Variants in PDE3A observed in about 807,000 individuals in gnomAD.
PDE3A encodes the protein cGMP-inhibited 3',5'-cyclic phosphodiesterase 3A.
A neutral mutation model predicts 98.3 loss-of-function variants in PDE3A; 43 were observed. The ratio of observed to expected loss-of-function variants is 0.44; its 90% CI spans 0.34 to 0.56. The LOEUF (loss-of-function observed/expected upper bound fraction) is 0.56, where lower values mean the gene tolerates loss of function less well. Ranked by LOEUF, PDE3A falls within the 20% of genes least tolerant of loss-of-function variation. PDE3A has a pLI of 0.01. For missense variants in PDE3A, 1,427 were observed against 1,440.7 expected, an observed-to-expected ratio of 0.99 and a Z score of 0.15; for synonymous variants, 663 against 567.9, an observed-to-expected ratio of 1.17 and a Z score of -2.38.
At chr12:20,538,749 A>T (rs1941816575) in intron 1 of PDE3A, among the ~76,000 whole-genome samples, 1 of 152,130 alleles carries the variant, frequency 6.6e-6, no homozygotes, top group South Asian at 2.1e-4. Flanking sequence ...GGTTCAAGCA[A>T]TCCTCCTGCC....
rs1438804839 is a variant in PDE3A at position 20,552,411 on chromosome 12, G to C, written c.961-4249G>C. The C allele has an allele frequency of 1.9e-6, 3 of 1,613,174 alleles. No homozygotes were observed. The highest frequency in any genetic ancestry group is 2.5e-6 in the Non-Finnish European group (3 of 1,179,828). Reference sequence around the variant, plus strand: ...AGCCCGGCCCTTGGACGAAGGAGGGGAAGGACCGGATCAAGAAGCTGGGGC... The same window carrying C: ...AGCCCGGCCCTTGGACGAAGGAGGGCAAGGACCGGATCAAGAAGCTGGGGC... On this transcript the variant is annotated intron_variant, in intron 1 of 15. Coordinates refer to ENST00000359062, the MANE Select transcript of PDE3A (RefSeq NM_000921.5). This position sits in a 1 kb window ranked among gnomAD's most constrained non-coding sequence, Gnocchi z 5.1.
At chr12:20,393,496 A>G (rs1485663283) in intron 1 of PDE3A, among the ~76,000 whole-genome samples, 1 of 152,024 alleles carries the variant, frequency 6.6e-6, no homozygotes, top group African/African-American at 2.4e-5. Flanking sequence ...GGACACAGCC[A>G]AACTATATCA....
chr12:20,652,545 C>T (rs1356041435), intron 14 of PDE3A, among the ~76,000 whole-genome samples: 3 of 152,086 alleles, frequency 2.0e-5, no homozygotes, highest in African/African-American at 4.8e-5. Flanking sequence ...TTTCATGTGT[C>T]TTTTGGCTGC....
intron 5 of PDE3A, among the ~76,000 whole-genome samples, chr12:20,622,687 G>C (rs1284001551): frequency 6.6e-6 from 1 of 152,102 alleles, no homozygotes; most frequent in African/African-American, 2.4e-5. Flanking sequence ...GTAATAAGGA[G>C]AATCATCTGG....
chr12:20,392,981 G>A (rs1192381279), intron 1 of PDE3A, among the ~76,000 whole-genome samples: 3 of 151,812 alleles, frequency 2.0e-5, no homozygotes, highest in African/African-American at 7.3e-5. Context: ...AAGGGAAGAG[G>A]GGAGGAAGGA....
intron 1 of PDE3A, among the ~76,000 whole-genome samples, chr12:20,517,144 T>G (rs78571882): frequency 0.016 from 2,369 of 152,338 alleles, 69 homozygotes; most frequent in African/African-American, 0.055. Flanking sequence ...TAGAAAATGA[T>G]AAGTAATTTT....
At chr12:20,434,033 C>T (rs571198077) in intron 1 of PDE3A, among the ~76,000 whole-genome samples, 2 of 152,308 alleles carry the variant, frequency 1.3e-5, no homozygotes, top group South Asian at 2.1e-4. Flanking sequence ...CTTCCTCAGA[C>T]TCAGTGTTTC....
Position 20,400,379 on chromosome 12 carries a change from G to GTTTTTTTTTTTTT in PDE3A, c.960+30168_960+30180dup, listed in dbSNP as rs75851941. ...AGCTCATGTTGACTCGTTAACATTG[G>GTTTTTTTTTTTTT]TTTTTTTTTTTTTTTTTTTTTTTTT... On this transcript the variant is annotated intron_variant, in intron 1 of 15. Transcript: ENST00000359062. Among the ~76,000 whole-genome samples, 55 of 110,260 alleles carry GTTTTTTTTTTTTT rather than the reference G, an allele frequency of 5.0e-4. 2 individuals carry two copies. The highest frequency in any genetic ancestry group is 7.3e-4 in the Non-Finnish European group (42 of 57,382). The allele number at this position is 110,260 out of a possible 152,430, so 72.3% of individuals were successfully genotyped here.
chr12:20,478,059 A>T (rs1945559519), intron 1 of PDE3A, among the ~76,000 whole-genome samples: 1 of 152,240 alleles, frequency 6.6e-6, no homozygotes, highest in Non-Finnish European at 1.5e-5. Context: ...CTTCTGCAGG[A>T]GGCTCATATT....
chr12:20,654,146 AG>A lies in PDE3A; in HGVS notation c.3127del (p.Glu1043ArgfsTer33). On this transcript the variant is annotated frameshift_variant, in exon 15 of 16. Transcript: ENST00000359062. LOFTEE classifies it high-confidence loss of function. ...ESGDTDDPEE[E>X]EEEAPAPNEE... Reference sequence around the variant, plus strand: ...GGAGATACTGATGACCCAGAAGAAGAGGAGGAAGAAGCACCAGCACCAAATG... The same window carrying A: ...GGAGATACTGATGACCCAGAAGAAGAGAGGAAGAAGCACCAGCACCAAATG... The A allele has an allele frequency of 6.2e-7, 1 of 1,614,108 alleles. No homozygotes were observed. Among genetic ancestry groups the A allele is most frequent in the Non-Finnish European group, 8.5e-7 (1 of 1,179,946 alleles).
At chr12:20,667,967 G>C (rs1167158604) in intron 15 of PDE3A, among the ~76,000 whole-genome samples, 1 of 152,168 alleles carries the variant, frequency 6.6e-6, no homozygotes, top group Non-Finnish European at 1.5e-5. Context: ...GTGCGAGACA[G>C]TGGGCGCAGG....
intron 1 of PDE3A, among the ~76,000 whole-genome samples, chr12:20,384,767 T>G (rs1300838257): frequency 6.6e-6 from 1 of 152,072 alleles, no homozygotes; most frequent in Non-Finnish European, 1.5e-5. Context: ...CACTTATAAG[T>G]GAAAACATGT....
In PDE3A at chr12:20,683,851, C is replaced by G. The variant is rs894001031; in HGVS notation, c.*3580C>G. 2.0e-5 allele frequency: 3 copies of G among 152,012 alleles called. No homozygotes were observed. Among genetic ancestry groups the G allele is most frequent in the Non-Finnish European group, 4.4e-5 (3 of 68,000 alleles). 9.4% of individuals were successfully genotyped at this position (152,012 alleles called of 1,614,324 possible). A position where few individuals can be genotyped will look rare whatever the true frequency, so the allele number is the denominator to read the frequency against. On this transcript the variant is annotated 3_prime_UTR_variant, in exon 16 of 16. Transcript: ENST00000359062. ...CAGAACAAATCTTTCCGTTGCAATC[C>G]CAGTAAAACGAAAGAAAAGGAATAT...
At chr12:20,550,705 A>T (rs1565585790) in intron 1 of PDE3A, among the ~76,000 whole-genome samples, 1 of 152,112 alleles carries the variant, frequency 6.6e-6, no homozygotes, top group Non-Finnish European at 1.5e-5. Flanking sequence ...TCCAAGGCTT[A>T]AAACAATTGA....
Position 20,671,119 on chromosome 12 carries a change from G to A in PDE3A, c.3185-8911G>A, listed in dbSNP as rs553289390. On this transcript the variant is annotated intron_variant, in intron 15 of 15. Transcript: ENST00000359062. ...TCTAGAAGAAATGGATAAATTCCTCGACACATACACTCTCCCAAGACTAAA... is the reference window on the plus strand; with the variant it reads ...TCTAGAAGAAATGGATAAATTCCTCAACACATACACTCTCCCAAGACTAAA... 6.1e-3 allele frequency among the ~76,000 whole-genome samples: 871 copies of A among 142,732 alleles called. 5 individuals are homozygous for A. Among genetic ancestry groups the A allele is most frequent in the Non-Finnish European group, 9.7e-3 (649 of 66,710 alleles). 93.6% of individuals were successfully genotyped at this position (142,732 alleles called of 152,430 possible).
In PDE3A at chr12:20,621,427, G is replaced by GGTC; in HGVS notation, c.1540+17_1540+18insTCG. The GGTC allele has an allele frequency of 7.6e-7, 1 of 1,322,512 alleles. No individual in the cohort carries two copies. The highest frequency in any genetic ancestry group is 1.1e-6 in the Non-Finnish European group (1 of 914,460). The allele number at this position is 1,322,512 out of a possible 1,614,324, so 81.9% of individuals were successfully genotyped here. A position where few individuals can be genotyped will look rare whatever the true frequency, so the allele number is the denominator to read the frequency against. On this transcript the variant is annotated intron_variant, in intron 5 of 15. Coordinates refer to ENST00000359062, the MANE Select transcript of PDE3A (RefSeq NM_000921.5). ...AGTCGACCAGGTAAGTAACTTAACT[G>GGTC]GAGAAGGGTTCATACTGTGAGTGTG... is the stretch of plus-strand genomic sequence containing the variant.
intron 15 of PDE3A, among the ~76,000 whole-genome samples, chr12:20,669,543 T>G (rs1003908642): frequency 1.3e-5 from 2 of 151,900 alleles, no homozygotes; most frequent in Non-Finnish European, 2.9e-5. Context: ...GGGGCCAATA[T>G]TCAACATTCT....
At chr12:20,607,445 A>AG in intron 2 of PDE3A, among the ~76,000 whole-genome samples, 1 of 151,880 alleles carries the variant, frequency 6.6e-6, no homozygotes, top group Middle Eastern at 3.4e-3. Flanking sequence ...TCAAAAAAAA[A>AG]AAAAAAGAAA....
intron 1 of PDE3A, among the ~76,000 whole-genome samples, chr12:20,440,385 C>A (rs1156759728): frequency 6.6e-6 from 1 of 152,062 alleles, no homozygotes; most frequent in African/African-American, 2.4e-5. Flanking sequence ...ATTCAAAGCC[C>A]ATTTCAGAAA....
Sources: gnomAD v4.1 joint callset for allele counts (sites outside exome capture counted in the v4.1 genomes callset) on GRCh38, gnomAD v4.1.1 for gene constraint, Gnocchi (gnomAD v3.1) non-coding constraint, MANE v1.5 for transcripts, NCBI Gene and HGNC (gene_info 2026-07-23, HGNC 2026-07-21) for gene names.